AFF3: variants seen among roughly 807,000 people sequenced by gnomAD.
AFF3 encodes AF4/FMR2 family member 3.
In AFF3, 32 loss-of-function variants were observed where a neutral mutation model predicts 129.7. That is an observed-to-expected ratio of 0.25 (90% CI 0.19 to 0.33). AFF3 has a LOEUF of 0.33. Among genes scored for constraint, AFF3 ranks in the 10% least tolerant of loss-of-function variants. The pLI, the probability that AFF3 is intolerant of heterozygous loss-of-function variation, is 1.00. For missense variants in AFF3, 1,373 were observed against 1,592.0 expected (o/e 0.86, Z 2.34); for synonymous variants, 644 against 635.4 (o/e 1.01, Z -0.20).
chr2:99,668,592 T>G (rs1264400476), intron 12 of AFF3, among the ~76,000 whole-genome samples: 1 of 152,018 alleles, frequency 6.6e-6, no homozygotes, highest in African/African-American at 2.4e-5. Context: ...AGAAGGAATC[T>G]CACTCTGTCA....
At chr2:100,095,719 A>G (rs1463408703) in intron 4 of AFF3, among the ~76,000 whole-genome samples, 1 of 152,234 alleles carries the variant, frequency 6.6e-6, no homozygotes, top group Non-Finnish European at 1.5e-5. Context: ...TTAGAAAGAT[A>G]AAGTCAATAA....
chr2:99,724,699 G>T (rs981312779), intron 11 of AFF3, among the ~76,000 whole-genome samples: 4 of 152,012 alleles, frequency 2.6e-5, no homozygotes, highest in Non-Finnish European at 5.9e-5. Flanking sequence ...CAAATCAAAG[G>T]CATCCTGAAT....
Position 99,948,716 on chromosome 2 carries a change from C to T in AFF3, c.873+57916G>A, listed in dbSNP as rs10186399. Among the ~76,000 whole-genome samples the T allele has an allele frequency of 4.8e-3, 737 of 152,232 alleles. 4 individuals are homozygous for T. Among genetic ancestry groups the T allele is most frequent in the African/African-American group, 0.017 (703 of 41,546 alleles). On this transcript the variant is annotated intron_variant, in intron 7 of 24. Coordinates refer to ENST00000672756, the MANE Select transcript of AFF3 (RefSeq NM_001386135.1). ...CAGGACAAGCAGTGTGTGCATCCCC[C>T]GCTCATCCCAAATCAGCAGTCCATG...
At chr2:99,640,147 G>A (rs747747028) in intron 13 of AFF3, among the ~76,000 whole-genome samples, 8 of 152,164 alleles carry the variant, frequency 5.3e-5, no homozygotes, top group Admixed American at 1.3e-4. Flanking sequence ...TAGGGATGGC[G>A]TGAGTAATAG....
chr2:99,557,437 G>A (rs1052649401), intron 22 of AFF3, among the ~76,000 whole-genome samples: 13 of 152,024 alleles, frequency 8.6e-5, no homozygotes, highest in Non-Finnish European at 2.9e-5. Flanking sequence ...CTGCCACCAC[G>A]CCTGGCGTGT....
chr2:99,769,223 C>A (rs1235157363), intron 8 of AFF3, among the ~76,000 whole-genome samples: 1 of 152,158 alleles, frequency 6.6e-6, no homozygotes, highest in Non-Finnish European at 1.5e-5. Context: ...CATTTTCAAA[C>A]AGCCTGTCTT....
intron 7 of AFF3, among the ~76,000 whole-genome samples, chr2:99,890,768 G>A (rs2106078556): frequency 6.6e-6 from 1 of 152,224 alleles, no homozygotes; most frequent in East Asian, 1.9e-4. Flanking sequence ...TGGCCTATCA[G>A]GTACAGATCC....
chr2:99,660,424 A>G (rs779281135), intron 12 of AFF3, among the ~76,000 whole-genome samples: 2 of 152,250 alleles, frequency 1.3e-5, no homozygotes, highest in Non-Finnish European at 2.9e-5. Context: ...ATGATTAGGA[A>G]AGATTCTCCT....
intron 7 of AFF3, among the ~76,000 whole-genome samples, chr2:99,884,322 G>T (rs1445110411): frequency 6.6e-6 from 1 of 152,138 alleles, no homozygotes; most frequent in East Asian, 1.9e-4. Flanking sequence ...TGTACGGCTT[G>T]AACATTTAAA....
chr2:99,615,117 C>T (rs921083646), intron 13 of AFF3, among the ~76,000 whole-genome samples: 4 of 152,200 alleles, frequency 2.6e-5, no homozygotes, highest in Non-Finnish European at 5.9e-5. Flanking sequence ...AGCCCTCTAG[C>T]CTGTCCTTCA....
At chr2:99,565,655 A>G in intron 19 of AFF3, 32 bp from the exon 20 acceptor site, 2 of 1,594,306 alleles carry the variant, frequency 1.3e-6, no homozygotes, top group South Asian at 2.2e-5. Flanking sequence ...GTGTCTTCCT[A>G]AACAATAGTT....
intron 7 of AFF3, among the ~76,000 whole-genome samples, chr2:99,850,658 AACTTTAAG>A (rs1690077464): frequency 6.6e-6 from 1 of 152,256 alleles, no homozygotes; most frequent in Non-Finnish European, 1.5e-5. Flanking sequence ...GTAAGATTCT[AACTTTAAG>A]ACTATAATTC....
intron 7 of AFF3, among the ~76,000 whole-genome samples, chr2:99,863,234 T>C (rs2105923085): frequency 6.6e-6 from 1 of 152,334 alleles, no homozygotes; most frequent in Middle Eastern, 3.4e-3. Flanking sequence ...GTCTATGTAA[T>C]GGGGAAAATG....
At chr2:100,004,622 G>T (rs2104714968) in intron 7 of AFF3, among the ~76,000 whole-genome samples, 1 of 152,118 alleles carries the variant, frequency 6.6e-6, no homozygotes, top group South Asian at 2.1e-4. Flanking sequence ...TATAAATATT[G>T]AACAATGCAC....
At chr2:100,024,227 G>A (rs1474264356) in intron 4 of AFF3, among the ~76,000 whole-genome samples, 14 of 69,156 alleles carry the variant, frequency 2.0e-4, no homozygotes, top group African/African-American at 6.3e-4. Context: ...GCAAGACTCC[G>A]TCTCAAAAAA....
At chr2:99,760,029 G>A (rs1682448599) in intron 8 of AFF3, among the ~76,000 whole-genome samples, 1 of 152,158 alleles carries the variant, frequency 6.6e-6, no homozygotes, top group Non-Finnish European at 1.5e-5. Flanking sequence ...AAGATTAAAT[G>A]AGATCATACA....
At chr2:99,712,186 G>C (rs563292328) in intron 11 of AFF3, among the ~76,000 whole-genome samples, 1 of 152,164 alleles carries the variant, frequency 6.6e-6, no homozygotes, top group African/African-American at 2.4e-5. Flanking sequence ...TGGGTTGTCA[G>C]TTCTTTGGGT....
At chr2:99,941,488 A>G (rs1207340238) in intron 7 of AFF3, among the ~76,000 whole-genome samples, 1 of 152,248 alleles carries the variant, frequency 6.6e-6, no homozygotes, top group Non-Finnish European at 1.5e-5. Context: ...TGACAGCTGC[A>G]TATCACGATG....
chr2:99,583,282 A>G (rs916836468), intron 16 of AFF3, among the ~76,000 whole-genome samples: 1 of 152,220 alleles, frequency 6.6e-6, no homozygotes, highest in African/African-American at 2.4e-5. Context: ...CAAGTCCTTT[A>G]TCCAAGGATC....
Sources: gnomAD v4.1 joint callset for allele counts (sites outside exome capture counted in the v4.1 genomes callset) on GRCh38, gnomAD v4.1.1 for gene constraint, MANE v1.5 for transcripts, NCBI Gene and HGNC (gene_info 2026-07-23, HGNC 2026-07-21) for gene names.